Variants in PIR observed in about 807,000 individuals in gnomAD.
PIR encodes the protein pirin.
PIR carries 22 observed loss-of-function variants against 24.2 expected under a neutral mutation model. That is an observed-to-expected ratio of 0.91 (90% confidence interval 0.65 to 1.30). The LOEUF (loss-of-function observed/expected upper bound fraction) is 1.30. Among genes scored for constraint, PIR ranks in the 50% most tolerant of loss-of-function variants. The pLI, the probability that PIR is intolerant of heterozygous loss-of-function variation, is 0.00. For synonymous variants in PIR, 80 were observed against 79.6 expected, an observed-to-expected ratio of 1.00 and a Z score of -0.03; for missense variants, 220 against 220.3, an observed-to-expected ratio of 1.00 and a Z score of 0.01.
At chrX:15,397,199 A>G (rs1361577373) in intron 8 of PIR, among the ~76,000 whole-genome samples, 1 of 112,494 alleles carries the variant, frequency 8.9e-6, no homozygotes, top group African/African-American at 3.2e-5. Flanking sequence ...TTGCTTCCAG[A>G]TTCAAATTTC....
intron 5 of PIR, among the ~76,000 whole-genome samples, chrX:15,451,449 C>T (rs1157912810): frequency 9.0e-6 from 1 of 110,536 alleles, no homozygotes; most frequent in African/African-American, 3.3e-5. Flanking sequence ...TTCCTAGTCC[C>T]TTAAATAGTT....
intron 5 of PIR, among the ~76,000 whole-genome samples, chrX:15,434,466 G>GGGAGAGGAAGGA (rs1448240157): frequency 2.5e-3 from 271 of 110,466 alleles, no homozygotes; most frequent in African/African-American, 7.5e-3. Flanking sequence ...GACAGGGAGA[G>GGGAGAGGAAGGA]GGAGAGGGAG....
chrX:15,476,620 C>T (rs919379526), intron 3 of PIR, among the ~76,000 whole-genome samples: 2 of 109,816 alleles, frequency 1.8e-5, no homozygotes, highest in African/African-American at 6.6e-5. Context: ...TATATGAAGA[C>T]CTTCTATAAA....
At chrX:15,482,937 T>C (rs1004114583) in intron 2 of PIR, among the ~76,000 whole-genome samples, 2 of 110,917 alleles carry the variant, frequency 1.8e-5, no homozygotes, top group African/African-American at 3.3e-5. Flanking sequence ...TATGAAACTA[T>C]TCAGATTTTC....
At position 15,440,681 on chromosome X, in the gene PIR, A is replaced by T. The variant is rs765752698; in HGVS notation, c.481-14691T>A. ...AATTTGAAGGGTGTCAAGTGGCAGC[A>T]TATTATTCAAATTTCTATGTTTCTG... On this transcript the variant is annotated intron_variant, in intron 5 of 9. Transcript: ENST00000380420. 7.2e-5 allele frequency among the ~76,000 whole-genome samples: 8 copies of T among 111,352 alleles called. No homozygotes were observed. In the East Asian group the frequency reaches 2.3e-3, roughly 31 times the overall value.
chrX:15,440,800 C>T (rs1925889901), intron 5 of PIR, among the ~76,000 whole-genome samples: 1 of 111,079 alleles, frequency 9.0e-6, no homozygotes, highest in African/African-American at 3.3e-5. Context: ...GAGTTACCAC[C>T]AACACAAGCA....
chrX:15,461,617 C>T (rs1921304006), intron 3 of PIR, among the ~76,000 whole-genome samples: 1 of 111,412 alleles, frequency 9.0e-6, no homozygotes, highest in Admixed American at 9.5e-5. Flanking sequence ...CCTGTCTCTA[C>T]TAAAACTACA....
At chrX:15,452,257 G>A (rs991060166) in intron 5 of PIR, among the ~76,000 whole-genome samples, 1 of 111,921 alleles carries the variant, frequency 8.9e-6, no homozygotes, top group Non-Finnish European at 1.9e-5. Flanking sequence ...GGATGGAATG[G>A]GGTTTGGAGA....
intron 2 of PIR, among the ~76,000 whole-genome samples, chrX:15,483,669 A>G (rs12857000): frequency 0.018 from 2,024 of 112,570 alleles, 21 homozygotes; most frequent in Non-Finnish European, 0.03. Flanking sequence ...GGATTGGTAG[A>G]AGGAGAGGTT....
chrX:15,464,710 A>G lies in PIR; in HGVS notation c.190-4970T>C, dbSNP rs771068960. On this transcript the variant is annotated intron_variant, in intron 3 of 9. Transcript: ENST00000380420. ...TAAGAGGACAAACAAAAGCTTCCAG[A>G]TTTCAAACAATCAGCCAAACTATAA... is the stretch of plus-strand genomic sequence containing the variant. Among the ~76,000 whole-genome samples, 153 of 112,620 alleles carry G rather than the reference A, an allele frequency of 1.4e-3. 1 individual carries two copies. Among genetic ancestry groups the G allele is most frequent in the African/African-American group, 4.5e-3 (140 of 31,088 alleles).
intron 5 of PIR, among the ~76,000 whole-genome samples, chrX:15,438,731 C>T (rs1454900265): frequency 9.0e-6 from 1 of 111,397 alleles, no homozygotes; most frequent in Non-Finnish European, 1.9e-5. Context: ...CTGTCAAGTT[C>T]TGACATCGTC....
chrX:15,457,531 T>C (rs1336977955), intron 4 of PIR, among the ~76,000 whole-genome samples: 1 of 112,078 alleles, frequency 8.9e-6, no homozygotes, highest in Non-Finnish European at 1.9e-5. Flanking sequence ...TGAAGTGTCC[T>C]GCTCAGTTCA....
chrX:15,394,346 TTC>T (rs1924056281), intron 8 of PIR, among the ~76,000 whole-genome samples: 1 of 112,358 alleles, frequency 8.9e-6, no homozygotes, highest in Non-Finnish European at 1.9e-5. Flanking sequence ...TTTGTTTTAT[TTC>T]TGTCTTTCAA....
At chrX:15,447,710 T>C (rs2147052775) in intron 5 of PIR, among the ~76,000 whole-genome samples, 1 of 112,014 alleles carries the variant, frequency 8.9e-6, no homozygotes, top group East Asian at 2.8e-4. Flanking sequence ...TCAAGACAGC[T>C]CTCTGAAGCT....
chrX:15,404,144 C>T (rs976373038), intron 7 of PIR, among the ~76,000 whole-genome samples: 1 of 110,778 alleles, frequency 9.0e-6, no homozygotes. Flanking sequence ...GAATTACAGG[C>T]GTGCATCACC....
chrX:15,457,680 T>C (rs1252945451), intron 4 of PIR, among the ~76,000 whole-genome samples: 1 of 111,314 alleles, frequency 9.0e-6, no homozygotes, highest in Non-Finnish European at 1.9e-5. Context: ...AGAATGAGCA[T>C]TATTAGTTGA....
chrX:15,440,336 ACCATATT>A (rs745802449), intron 5 of PIR, among the ~76,000 whole-genome samples: 1 of 111,138 alleles, frequency 9.0e-6, no homozygotes, highest in South Asian at 3.9e-4. Context: ...TGGCGGCTAC[ACCATATT>A]CCATCATATG....
chrX:15,429,397 T>G (rs1440848425), intron 5 of PIR: 1 of 112,324 alleles, frequency 8.9e-6, no homozygotes, highest in African/African-American at 3.2e-5. Flanking sequence ...TTTAATTCAT[T>G]TTGCAGATGT....
intron 6 of PIR, among the ~76,000 whole-genome samples, chrX:15,408,532 C>G (rs1306266588): frequency 8.9e-6 from 1 of 111,814 alleles, no homozygotes; most frequent in African/African-American, 3.3e-5. Flanking sequence ...ATCAAAATCA[C>G]TCACAATAGG....
Sources: gnomAD v4.1 joint callset for allele counts (sites outside exome capture counted in the v4.1 genomes callset) on GRCh38, gnomAD v4.1.1 for gene constraint, MANE v1.5 for transcripts, NCBI Gene and HGNC (gene_info 2026-07-23, HGNC 2026-07-21) for gene names.